ALK: variants seen among roughly 807,000 people sequenced by gnomAD.
ALK encodes ALK tyrosine kinase receptor.
A neutral mutation model predicts 163.1 loss-of-function variants in ALK; 74 were observed. The observed-to-expected ratio is 0.45, with a 90% CI of 0.38 to 0.55. ALK has a LOEUF of 0.55. ALK is among the 20% of genes least tolerant of loss of function. The pLI is 0.00. For synonymous variants in ALK, 960 were observed against 843.2 expected (o/e 1.14, Z -2.40); for missense variants, 2,063 against 2,105.3 (o/e 0.98, Z 0.39).
intron 1 of ALK, among the ~76,000 whole-genome samples, chr2:29,830,385 C>A (rs1665333481): frequency 6.6e-6 from 1 of 152,110 alleles, no homozygotes; most frequent in Non-Finnish European, 1.5e-5. Flanking sequence ...CACTGACCAC[C>A]ATCACCTTTC....
At chr2:29,900,181 T>C (rs1416417201) in intron 1 of ALK, among the ~76,000 whole-genome samples, 1 of 152,216 alleles carries the variant, frequency 6.6e-6, no homozygotes, top group Non-Finnish European at 1.5e-5. Flanking sequence ...ATCCTGAGAG[T>C]AGGCCAGTTC....
At chr2:29,544,356 G>A (rs1673492689) in intron 3 of ALK, among the ~76,000 whole-genome samples, 1 of 152,152 alleles carries the variant, frequency 6.6e-6, no homozygotes, top group Non-Finnish European at 1.5e-5. Flanking sequence ...AAGTAAACAG[G>A]CTCTTTCACT....
At position 29,275,159 on chromosome 2, in the gene ALK, T is replaced by C. The variant is rs1308274244; in HGVS notation, c.1981A>G (p.Asn661Asp). ...TTTTCCCCGGGTTTCAGCTCCTTGTTTGGGTTTCTCTCAAACAGGTTTCTT... is the reference window on the plus strand; with the variant it reads ...TTTTCCCCGGGTTTCAGCTCCTTGTCTGGGTTTCTCTCAAACAGGTTTCTT... ...KSRNLFERNP[N>D]KELKPGENSP... Residue 661 changes from asparagine to aspartate, a missense_variant, in exon 11 of 29, where the codon AAC becomes GAC. Transcript: ENST00000389048. 1.2e-6 allele frequency: 2 copies of C among 1,614,200 alleles called. No homozygotes were observed. The highest frequency in any genetic ancestry group is 1.7e-5 in the Admixed American group (1 of 60,030).
chr2:29,639,605 T>C (rs1048741174), intron 3 of ALK, among the ~76,000 whole-genome samples: 1 of 152,160 alleles, frequency 6.6e-6, no homozygotes, highest in African/African-American at 2.4e-5. Flanking sequence ...CAAAGTTACA[T>C]TGCCAGGTGT....
chr2:29,205,662 C>T (rs1669291821), intron 26 of ALK, among the ~76,000 whole-genome samples: 2 of 152,166 alleles, frequency 1.3e-5, no homozygotes, highest in Admixed American at 1.3e-4. Context: ...TCTGTGCTCA[C>T]ACTCCCTCTT....
chr2:29,322,702 T>G (rs1215039335), intron 6 of ALK, among the ~76,000 whole-genome samples: 1 of 152,134 alleles, frequency 6.6e-6, no homozygotes, highest in African/African-American at 2.4e-5. Flanking sequence ...GGTCTGGTGG[T>G]GGGTGCCTGT....
chr2:29,621,037 A>G (rs1676020891), intron 3 of ALK, among the ~76,000 whole-genome samples: 1 of 152,164 alleles, frequency 6.6e-6, no homozygotes, highest in South Asian at 2.1e-4. Flanking sequence ...ATTTCATCTC[A>G]GGTGGCTTTG....
At chr2:29,704,626 C>T (rs966787623) in intron 2 of ALK, among the ~76,000 whole-genome samples, 2 of 152,176 alleles carry the variant, frequency 1.3e-5, no homozygotes, top group Non-Finnish European at 2.9e-5. Context: ...GATCAGATGG[C>T]TCAACTCACC....
At position 29,750,744 on chromosome 2, in the gene ALK, G is replaced by A. The variant is rs183947499; in HGVS notation, c.668-33047C>T. Reference sequence around the variant, plus strand: ...GGAAGGAAGGAAGAAAGGGAGGGAGGGAGGGAAAGAGAGAAAGAGAAAGAA... The same window carrying A: ...GGAAGGAAGGAAGAAAGGGAGGGAGAGAGGGAAAGAGAGAAAGAGAAAGAA... On this transcript the variant is annotated intron_variant, in intron 1 of 28. Transcript: ENST00000389048. Among the ~76,000 whole-genome samples the A allele has an allele frequency of 2.4e-4, 36 of 149,422 alleles. 1 individual carries two copies. The East Asian group carries it at 6.9e-3, about 29-fold the overall frequency.
chr2:29,242,563 T>C (rs13391633), intron 12 of ALK, among the ~76,000 whole-genome samples: 15,645 of 152,142 alleles, frequency 0.1, 1,017 homozygotes, highest in African/African-American at 0.18. Context: ...CCCATCTATG[T>C]CTTGACCTAG....
At chr2:29,383,997 A>G in intron 4 of ALK, 138 bp from the exon 5 acceptor site, 1 of 1,022,634 alleles carries the variant, frequency 9.8e-7, no homozygotes, top group Non-Finnish European at 1.5e-6. Context: ...TGGGACTCGA[A>G]GTGGCACTGA....
intron 3 of ALK, among the ~76,000 whole-genome samples, chr2:29,631,329 G>A (rs1192317107): frequency 1.3e-5 from 2 of 152,230 alleles, no homozygotes; most frequent in Non-Finnish European, 2.9e-5. Context: ...TCAGATTAGA[G>A]CTGTAAGCTG....
At chr2:29,549,990 A>C (rs991851239) in intron 3 of ALK, among the ~76,000 whole-genome samples, 5 of 151,494 alleles carry the variant, frequency 3.3e-5, no homozygotes, top group African/African-American at 1.2e-4. Flanking sequence ...AAAGTGCTTC[A>C]ATTACTATTA....
At chr2:29,658,237 G>A (rs988285528) in intron 3 of ALK, among the ~76,000 whole-genome samples, 1 of 152,142 alleles carries the variant, frequency 6.6e-6, no homozygotes, top group African/African-American at 2.4e-5. Flanking sequence ...ATGGTACAAT[G>A]AGCACTATGT....
At chr2:29,504,997 G>T (rs369814873) in intron 4 of ALK, among the ~76,000 whole-genome samples, 2 of 152,184 alleles carry the variant, frequency 1.3e-5, no homozygotes, top group African/African-American at 4.8e-5. Flanking sequence ...AGGGCTGGAG[G>T]TGGGGCAGAG....
chr2:29,342,334 A>G (rs1254007428), intron 5 of ALK, among the ~76,000 whole-genome samples: 1 of 152,250 alleles, frequency 6.6e-6, no homozygotes, highest in Non-Finnish European at 1.5e-5. Context: ...GCTAAGTGAA[A>G]TAAGCCAGTT....
chr2:29,647,072 T>C (rs1038950203), intron 3 of ALK, among the ~76,000 whole-genome samples: 2 of 152,182 alleles, frequency 1.3e-5, no homozygotes. Context: ...TCTAGTTTCC[T>C]TGTAATATAA....
chr2:29,349,108 G>A (rs1473078122), intron 5 of ALK, among the ~76,000 whole-genome samples: 13 of 152,194 alleles, frequency 8.5e-5, no homozygotes, highest in Admixed American at 8.5e-4. Context: ...CTTGATGAAT[G>A]TTGGCTGCAT....
intron 1 of ALK, among the ~76,000 whole-genome samples, chr2:29,844,474 G>T (rs971637525): frequency 2.6e-5 from 4 of 152,086 alleles, no homozygotes; most frequent in African/African-American, 7.2e-5. Context: ...CACACATAAG[G>T]GGTACCAAGG....
Sources: allele counts gnomAD v4.1 joint callset (sites outside exome capture counted in the v4.1 genomes callset), GRCh38; gene constraint gnomAD v4.1.1; transcripts MANE v1.5; gene names NCBI Gene and HGNC (gene_info 2026-07-23, HGNC 2026-07-21).